FGF10: variants seen among roughly 807,000 people sequenced by gnomAD.
FGF10 encodes the protein fibroblast growth factor 10.
A neutral mutation model predicts 19.8 loss-of-function variants in FGF10; 2 were observed. That is an observed-to-expected ratio of 0.10 (90% CI 0.04 to 0.32). The LOEUF (loss-of-function observed/expected upper bound fraction) is 0.32, where lower values mean the gene tolerates loss of function less well. FGF10 is among the 10% of genes least tolerant of loss of function. The pLI, the probability that FGF10 is intolerant of heterozygous loss-of-function variation, is 1.00. For missense variants in FGF10, 191 were observed against 246.3 expected, an observed-to-expected ratio of 0.78 and a Z score of 1.50; for synonymous variants, 112 against 94.0, an observed-to-expected ratio of 1.19 and a Z score of -1.10.
In FGF10 at chr5:44,303,870, T is replaced by G. The variant is rs1056734809; in HGVS notation, c.*1125A>C. The G allele has an allele frequency of 3.9e-5, 6 of 152,138 alleles. No homozygotes were observed. Among genetic ancestry groups the G allele is most frequent in the Non-Finnish European group, 7.4e-5 (5 of 68,020 alleles). 9.4% of individuals were successfully genotyped at this position (152,138 alleles called of 1,614,324 possible). On this transcript the variant is annotated 3_prime_UTR_variant, in exon 3 of 3. Transcript: ENST00000264664. ...GCATTATGTGGAATTTACAGAGGGTTTTTAGAGATGTGGACAGCCTCTTTA... is the reference window on the plus strand; with the variant it reads ...GCATTATGTGGAATTTACAGAGGGTGTTTAGAGATGTGGACAGCCTCTTTA...
chr5:44,388,195 A>G (rs1742149910), intron 1 of FGF10, among the ~76,000 whole-genome samples, 163 bp downstream of exon 1: 1 of 147,626 alleles, frequency 6.8e-6, no homozygotes, highest in African/African-American at 2.5e-5. Context: ...CAATGTATAC[A>G]CGGGGGTTGG....
intron 1 of FGF10, among the ~76,000 whole-genome samples, chr5:44,385,632 T>C (rs956683143): frequency 6.6e-6 from 1 of 152,184 alleles, no homozygotes; most frequent in African/African-American, 2.4e-5. Flanking sequence ...AAAATGTTAC[T>C]GAAATGTGGT....
chr5:44,305,211 A>T lies in FGF10; in HGVS notation c.430-19T>A. ...ATTCTTTCTGCAAAGGAAAAACAGA[A>T]TCTTTTATTCCTATGGTGATTGTAC... On this transcript the variant is annotated intron_variant, in intron 2 of 2. Transcript: ENST00000264664. 6.2e-7 allele frequency: 1 copy of T among 1,601,082 alleles called. No homozygotes were observed. The highest frequency in any genetic ancestry group is 8.6e-7 in the Non-Finnish European group (1 of 1,168,366).
rs1054226201 is a variant in FGF10, at chr5:44,301,902, A to G, written c.*3093T>C. Among the ~76,000 whole-genome samples the G allele has an allele frequency of 1.3e-5, 2 of 152,158 alleles. No homozygotes were observed. The highest frequency in any genetic ancestry group is 4.8e-5 in the African/African-American group (2 of 41,450). ...TTTATTGTTTTTATTTAAATGTAAC[A>G]TACTATACACTGTTCAGCCTTTTGC... is the stretch of plus-strand genomic sequence containing the variant. On this transcript the variant is annotated 3_prime_UTR_variant, in exon 3 of 3. Coordinates refer to ENST00000264664, the MANE Select transcript of FGF10 (RefSeq NM_004465.2).
chr5:44,345,516 A>C (rs1741071476), intron 1 of FGF10, among the ~76,000 whole-genome samples: 1 of 151,628 alleles, frequency 6.6e-6, no homozygotes, highest in South Asian at 2.1e-4. Flanking sequence ...TCACAAAAAC[A>C]ACCTTATTTT....
chr5:44,365,830 T>C (rs1238777616), intron 1 of FGF10, among the ~76,000 whole-genome samples: 2 of 152,010 alleles, frequency 1.3e-5, no homozygotes, highest in Admixed American at 1.3e-4. Flanking sequence ...TGTGATTGTG[T>C]GTATCTGGGC....
chr5:44,353,092 T>G (rs1741271371), intron 1 of FGF10, among the ~76,000 whole-genome samples: 1 of 151,654 alleles, frequency 6.6e-6, no homozygotes, highest in Admixed American at 6.6e-5. Flanking sequence ...ACTGATTTCA[T>G]AGCGATCTTA....
At chr5:44,308,684 C>A (rs1185747829) in intron 2 of FGF10, among the ~76,000 whole-genome samples, 2 of 152,028 alleles carry the variant, frequency 1.3e-5, no homozygotes, top group East Asian at 3.9e-4. Context: ...ATTCCTCTGA[C>A]CCCCATGCAA....
At chr5:44,388,023 G>A (rs532045602) in intron 1 of FGF10, among the ~76,000 whole-genome samples, 1 of 152,170 alleles carries the variant, frequency 6.6e-6, no homozygotes, top group South Asian at 2.1e-4. Flanking sequence ...GGATGAGGTG[G>A]GAAAGGCGGT....
At position 44,341,858 on chromosome 5, in the gene FGF10, G is replaced by T. The variant is rs796929636; in HGVS notation, c.326-31328C>A. 1.4e-4 allele frequency among the ~76,000 whole-genome samples: 22 copies of T among 151,984 alleles called. 2 individuals carry two copies. The highest frequency in any genetic ancestry group is 5.3e-4 in the African/African-American group (22 of 41,510). ...TGATATTGAACAACCCTACTTCATA[G>T]AATTTATGTAAGTAATACATTATTT... On this transcript the variant is annotated intron_variant, in intron 1 of 2. Transcript: ENST00000264664.
chr5:44,372,293 A>G (rs1324917613), intron 1 of FGF10, among the ~76,000 whole-genome samples: 2 of 152,090 alleles, frequency 1.3e-5, no homozygotes, highest in African/African-American at 2.4e-5. Context: ...AGCATCTTCA[A>G]ATCTCTGCTT....
At chr5:44,322,093 G>T (rs1740507060) in intron 1 of FGF10, among the ~76,000 whole-genome samples, 1 of 152,088 alleles carries the variant, frequency 6.6e-6, no homozygotes, top group African/African-American at 2.4e-5. Context: ...AAGTGAGATG[G>T]CTTTTTAAAG....
In FGF10 at chr5:44,386,769, A is replaced by T. The variant is rs1045488834; in HGVS notation, c.325+1589T>A. ...ACACGTATTTTTATTACTTATAAAC[A>T]TATTGTGAATTTTAGTAAATAGAAC... is the stretch of plus-strand genomic sequence containing the variant. On this transcript the variant is annotated intron_variant, in intron 1 of 2. Coordinates refer to ENST00000264664, the MANE Select transcript of FGF10 (RefSeq NM_004465.2). Among the ~76,000 whole-genome samples, 6 of 152,336 alleles carry T rather than the reference A, an allele frequency of 3.9e-5. 1 individual carries two copies. The East Asian group carries it at 9.6e-4, about 24-fold the overall frequency.
intron 1 of FGF10, among the ~76,000 whole-genome samples, chr5:44,311,555 A>G (rs1740211524): frequency 1.3e-5 from 2 of 152,080 alleles, no homozygotes; most frequent in African/African-American, 4.8e-5. Context: ...TATTTGCAAA[A>G]TGGGCAACAT....
intron 1 of FGF10, among the ~76,000 whole-genome samples, chr5:44,380,014 C>T (rs1741951726): frequency 6.6e-6 from 1 of 152,184 alleles, no homozygotes; most frequent in South Asian, 2.1e-4. Flanking sequence ...ATGTGATTAA[C>T]ATCACTAGCA....
At chr5:44,315,534 A>C (rs1740321002) in intron 1 of FGF10, among the ~76,000 whole-genome samples, 1 of 152,098 alleles carries the variant, frequency 6.6e-6, no homozygotes, top group Non-Finnish European at 1.5e-5. Flanking sequence ...GTACTTTCCA[A>C]AAAAAAATTA....
At chr5:44,344,502 G>T (rs947446265) in intron 1 of FGF10, among the ~76,000 whole-genome samples, 5 of 149,764 alleles carry the variant, frequency 3.3e-5, no homozygotes, top group African/African-American at 1.2e-4. Flanking sequence ...ATGAGTTATA[G>T]TTGGGGCAAA....
At chr5:44,319,037 T>C (rs531418726) in intron 1 of FGF10, among the ~76,000 whole-genome samples, 2 of 152,282 alleles carry the variant, frequency 1.3e-5, no homozygotes, top group Admixed American at 1.3e-4. Context: ...CCAGAGAGAT[T>C]GAGGGACTTA....
intron 1 of FGF10, among the ~76,000 whole-genome samples, chr5:44,367,140 A>G (rs921914951): frequency 1.9e-4 from 29 of 152,220 alleles, no homozygotes; most frequent in African/African-American, 7.0e-4. Flanking sequence ...ATGAATTCAC[A>G]CTATAAAAGT....
Sources: gnomAD v4.1 joint callset for allele counts (sites outside exome capture counted in the v4.1 genomes callset) on GRCh38, gnomAD v4.1.1 for gene constraint, MANE v1.5 for transcripts, NCBI Gene and HGNC (gene_info 2026-07-23, HGNC 2026-07-21) for gene names.